Variants in FRAS1 observed in about 807,000 individuals in gnomAD.
FRAS1 encodes extracellular matrix organizing protein FRAS1.
FRAS1 carries 290 observed loss-of-function variants against 435.2 expected under a neutral mutation model. That is an observed-to-expected ratio of 0.67 (90% CI 0.61 to 0.73). The LOEUF (loss-of-function observed/expected upper bound fraction) is 0.73, where lower values mean the gene tolerates loss of function less well. Ranked by LOEUF, FRAS1 falls within the 30% of genes least tolerant of loss-of-function variation. FRAS1 has a pLI of 0.00. For synonymous variants in FRAS1, 1,800 were observed against 1,851.0 expected (o/e 0.97, Z 0.71); for missense variants, 4,860 against 5,001.5 (o/e 0.97, Z 0.85).
chr4:78,288,062 G>A (rs1463226741), intron 14 of FRAS1, among the ~76,000 whole-genome samples: 1 of 152,088 alleles, frequency 6.6e-6, no homozygotes, highest in East Asian at 1.9e-4. Flanking sequence ...ACCAGTTGGT[G>A]GTCCTTCAAA....
At chr4:78,158,032 G>A (rs1382436228) in intron 2 of FRAS1, among the ~76,000 whole-genome samples, 1 of 152,068 alleles carries the variant, frequency 6.6e-6, no homozygotes, top group Non-Finnish European at 1.5e-5. Flanking sequence ...TGATCTATGT[G>A]CCTGTTTTTG....
rs538621129 is a variant in FRAS1, at chr4:78,310,934, T to C, written c.1678+2725T>C. Among the ~76,000 whole-genome samples, 3 of 152,330 alleles carry C rather than the reference T, an allele frequency of 2.0e-5. No individual in the cohort carries two copies. In the South Asian group the frequency reaches 6.2e-4, roughly 32 times the overall value. Reference sequence around the variant, plus strand: ...TAGAAAAAACCAGCATAGCCTGTTATGAAGGGTGGTATGCCCTGGCTGAAA... The same window carrying C: ...TAGAAAAAACCAGCATAGCCTGTTACGAAGGGTGGTATGCCCTGGCTGAAA... On this transcript the variant is annotated intron_variant, in intron 15 of 73. Coordinates refer to ENST00000512123, the MANE Select transcript of FRAS1 (RefSeq NM_025074.7).
At chr4:78,435,337 A>G (rs1391957045) in intron 38 of FRAS1, among the ~76,000 whole-genome samples, 1 of 152,236 alleles carries the variant, frequency 6.6e-6, no homozygotes. Flanking sequence ...AAGGGGATTT[A>G]CCTTACCAGA....
At chr4:78,392,230 C>T (rs1732474939) in intron 29 of FRAS1, among the ~76,000 whole-genome samples, 1 of 152,120 alleles carries the variant, frequency 6.6e-6, no homozygotes. Flanking sequence ...ATTTTTTCCA[C>T]AGTGTCCTAT....
At chr4:78,509,783 T>G (rs940304825) in intron 63 of FRAS1, among the ~76,000 whole-genome samples, 1 of 152,192 alleles carries the variant, frequency 6.6e-6, no homozygotes, top group Admixed American at 6.5e-5. Flanking sequence ...TGAAAGCAGT[T>G]GAGATTCAGG....
At chr4:78,403,723 C>T (rs535108271) in intron 30 of FRAS1, among the ~76,000 whole-genome samples, 5 of 152,122 alleles carry the variant, frequency 3.3e-5, no homozygotes, top group Non-Finnish European at 2.9e-5. Flanking sequence ...CAACTTACAC[C>T]CTGTTAAACT....
intron 29 of FRAS1, among the ~76,000 whole-genome samples, chr4:78,391,704 C>G (rs1473666966): frequency 2.0e-5 from 3 of 152,082 alleles, no homozygotes; most frequent in Non-Finnish European, 4.4e-5. Flanking sequence ...CAAAAGTCCC[C>G]AAGTGTCATG....
At chr4:78,477,327 C>T (rs1995060) in intron 54 of FRAS1, among the ~76,000 whole-genome samples, 95,596 of 152,038 alleles carry the variant, frequency 0.63, 30,595 homozygotes, top group South Asian at 0.82. Context: ...TCCCAAGAAG[C>T]GTATGAGGTA....
chr4:78,413,422 C>T (rs1375510861), intron 32 of FRAS1, among the ~76,000 whole-genome samples: 2 of 152,068 alleles, frequency 1.3e-5, no homozygotes, highest in African/African-American at 4.8e-5. Flanking sequence ...ATCATTGGTC[C>T]CCCAGTTATG....
chr4:78,501,651 C>A (rs575550357), intron 61 of FRAS1, among the ~76,000 whole-genome samples: 2 of 152,284 alleles, frequency 1.3e-5, no homozygotes, highest in Admixed American at 1.3e-4. Context: ...TTTTAATGAT[C>A]GCCAGTCTAA....
chr4:78,464,103 T>C lies in FRAS1; in HGVS notation c.6846T>C (p.His2282=), dbSNP rs752176314. ...TCCATTCTAGTGAGGCTGAGAAACA[T>C]TCAGATGCCTTCAGCTTTACACTGT... ...QYVHSSEAEK[H]SDAFSFTLSD... The change falls in exon 48 of 74, where the codon CAT becomes CAC. Residue 2282 remains histidine (H), a synonymous_variant. Coordinates refer to ENST00000512123, the MANE Select transcript of FRAS1 (RefSeq NM_025074.7). 6 of 1,613,628 alleles carry C rather than the reference T, an allele frequency of 3.7e-6. No individual in the cohort carries two copies. In the African/African-American group the frequency reaches 4.0e-5, roughly 11 times the overall value.
intron 18 of FRAS1, among the ~76,000 whole-genome samples, chr4:78,322,600 G>C (rs1729553564): frequency 6.6e-6 from 1 of 152,058 alleles, no homozygotes; most frequent in African/African-American, 2.4e-5. Flanking sequence ...CTTAGACACT[G>C]AAGTGGTGTC....
intron 2 of FRAS1, among the ~76,000 whole-genome samples, chr4:78,115,142 T>C (rs13152252): frequency 0.27 from 39,246 of 146,730 alleles, 5,695 homozygotes; most frequent in African/African-American, 0.35. Context: ...TATTGATTTT[T>C]GTATGTTGAA....
chr4:78,361,275 A>G (rs1263664272), intron 20 of FRAS1, among the ~76,000 whole-genome samples: 1 of 152,232 alleles, frequency 6.6e-6, no homozygotes, highest in Non-Finnish European at 1.5e-5. Context: ...TGTGGAAACC[A>G]TACACCAAAT....
intron 56 of FRAS1, 28 bp from the exon 57 acceptor site, chr4:78,481,776 A>G (rs1009386216): frequency 1.9e-6 from 3 of 1,612,922 alleles, no homozygotes; most frequent in Non-Finnish European, 1.7e-6. Context: ...AAAGTTGACC[A>G]TTAAAATCTC....
At chr4:78,356,881 C>CA (rs1730878274) in intron 20 of FRAS1, among the ~76,000 whole-genome samples, 1 of 152,190 alleles carries the variant, frequency 6.6e-6, no homozygotes. Flanking sequence ...CACACACACA[C>CA]ACGCATACAC....
At chr4:78,258,878 C>A (rs1400923331) in intron 6 of FRAS1, among the ~76,000 whole-genome samples, 1 of 101,930 alleles carries the variant, frequency 9.8e-6, no homozygotes, top group African/African-American at 3.7e-5. Flanking sequence ...CACAACAGTC[C>A]CCAGAGTGTG....
chr4:78,400,900 T>A lies in FRAS1; in HGVS notation c.4129+13T>A. 1 of 1,612,868 alleles carries A rather than the reference T, an allele frequency of 6.2e-7. No homozygotes were observed. The highest frequency in any genetic ancestry group is 8.5e-7 in the Non-Finnish European group (1 of 1,179,332). ...TACCCCCAGTTTGGTAACTATTTTT[T>A]CCTTTGGCGTGGTTTCATCGTTGCA... On this transcript the variant is annotated intron_variant, in intron 30 of 73. Coordinates refer to ENST00000512123, the MANE Select transcript of FRAS1 (RefSeq NM_025074.7).
chr4:78,298,064 CT>C (rs36056620), intron 14 of FRAS1, among the ~76,000 whole-genome samples: 2 of 125,004 alleles, frequency 1.6e-5, no homozygotes, highest in Non-Finnish European at 3.5e-5. Flanking sequence ...TACTAATCCT[CT>C]TTATATATAT....
Sources: allele counts gnomAD v4.1 joint callset (sites outside exome capture counted in the v4.1 genomes callset), GRCh38; gene constraint gnomAD v4.1.1; transcripts MANE v1.5; gene names NCBI Gene and HGNC (gene_info 2026-07-23, HGNC 2026-07-21).